The following DENND4C variants were observed in gnomAD, a reference collection of about 807,000 sequenced individuals.
The protein encoded by DENND4C is DENN domain containing 4C, also known as DENN domain-containing protein 4C.
In DENND4C, 108 loss-of-function variants were observed where a neutral mutation model predicts 203.0. The ratio of observed to expected loss-of-function variants is 0.53; its 90% CI spans 0.46 to 0.62. The LOEUF is 0.62. Among genes scored for constraint, DENND4C ranks in the 20% least tolerant of loss-of-function variants. The pLI is 0.00. For missense variants in DENND4C, 2,481 were observed against 2,301.2 expected (o/e 1.08, Z -1.60); for synonymous variants, 871 against 792.4 (o/e 1.10, Z -1.67).
In DENND4C at chr9:19,354,549, CTT is replaced by C. The variant is rs66823332; in HGVS notation, c.4781+1904_4781+1905del. ...TCTCTTCATTACTTGTTATTCTAGC[CTT>C]TTTTTTTTTTTTTTTTTTTGGAGAC... On this transcript the variant is annotated intron_variant, in intron 26 of 32. Transcript: ENST00000434457. 2.6e-3 allele frequency among the ~76,000 whole-genome samples: 231 copies of C among 87,272 alleles called. 1 individual carries two copies. The highest frequency in any genetic ancestry group is 0.02 in the Middle Eastern group (2 of 102). The allele number at this position is 87,272 out of a possible 152,430, so 57.3% of individuals were successfully genotyped here. A position where few individuals can be genotyped will look rare whatever the true frequency, so the allele number is the denominator to read the frequency against.
chr9:19,255,385 A>G (rs1339063679), intron 1 of DENND4C, among the ~76,000 whole-genome samples: 1 of 129,738 alleles, frequency 7.7e-6, no homozygotes, highest in African/African-American at 2.8e-5. Flanking sequence ...AGCCTGGGCA[A>G]CAGAGTGAGA....
intron 29 of DENND4C, among the ~76,000 whole-genome samples, chr9:19,360,757 A>G (rs1466358308): frequency 6.6e-6 from 1 of 152,122 alleles, no homozygotes; most frequent in Non-Finnish European, 1.5e-5. Flanking sequence ...TCTACTTTCT[A>G]TCCAGCAGTT....
At chr9:19,370,068 CTA>C (rs1828496796) in intron 31 of DENND4C, 81 bp downstream of exon 31, 1 of 1,519,508 alleles carries the variant, frequency 6.6e-7, no homozygotes. Context: ...AAAAATATCT[CTA>C]GTTGTCGAAG....
chr9:19,359,482 G>C (rs578191355), intron 28 of DENND4C, among the ~76,000 whole-genome samples: 2 of 151,934 alleles, frequency 1.3e-5, no homozygotes, highest in South Asian at 4.1e-4. Context: ...TAGTCCTTTT[G>C]ACACAACTCT....
intron 1 of DENND4C, among the ~76,000 whole-genome samples, chr9:19,267,402 T>C (rs1010160501): frequency 7.9e-5 from 12 of 152,236 alleles, no homozygotes; most frequent in African/African-American, 2.9e-4. Context: ...AAATCTGTTT[T>C]ATCTGATACA....
At chr9:19,362,789 C>G (rs1826779661) in intron 30 of DENND4C, among the ~76,000 whole-genome samples, 1 of 152,154 alleles carries the variant, frequency 6.6e-6, no homozygotes, top group African/African-American at 2.4e-5. Context: ...GTTCTGGCTT[C>G]ATTTTTAATC....
rs529711280 is a variant in DENND4C at position 19,288,676 on chromosome 9, TA to T, written c.628+19del. The T allele has an allele frequency of 2.0e-5, 25 of 1,228,044 alleles. No individual in the cohort carries two copies. Among genetic ancestry groups the T allele is most frequent in the East Asian group, 9.5e-5 (3 of 31,594 alleles). The allele number at this position is 1,228,044 out of a possible 1,614,324, so 76.1% of individuals were successfully genotyped here. ...TAGCATATAAGGCTGGTAAGTGAGT[TA>T]AAAAAAATTGTCTCAATTGCTATAG... On this transcript the variant is annotated intron_variant, in intron 4 of 32. Transcript: ENST00000434457.
chr9:19,289,690 G>C (rs1051773779), intron 4 of DENND4C, among the ~76,000 whole-genome samples: 1 of 151,870 alleles, frequency 6.6e-6, no homozygotes, highest in Non-Finnish European at 1.5e-5. Flanking sequence ...TTAGCCAGGC[G>C]TGGTGGCACG....
intron 29 of DENND4C, 107 bp from the exon 30 acceptor site, chr9:19,361,739 G>T: frequency 5.2e-6 from 3 of 579,498 alleles, no homozygotes; most frequent in South Asian, 2.8e-5. Flanking sequence ...TGAATTTTAG[G>T]TCCAGAATTT....
At chr9:19,308,496 A>T (rs1033717484) in intron 10 of DENND4C, among the ~76,000 whole-genome samples, 1 of 151,890 alleles carries the variant, frequency 6.6e-6, no homozygotes, top group African/African-American at 2.4e-5. Flanking sequence ...TTGTTGGTAC[A>T]TTTTCCTGTT....
chr9:19,266,614 G>T (rs1480972470), intron 1 of DENND4C, among the ~76,000 whole-genome samples: 1 of 152,090 alleles, frequency 6.6e-6, no homozygotes, highest in African/African-American at 2.4e-5. Context: ...GCATGGTACT[G>T]GTACCAAAAC....
At chr9:19,268,339 A>G (rs991985519) in intron 1 of DENND4C, among the ~76,000 whole-genome samples, 18 of 152,112 alleles carry the variant, frequency 1.2e-4, no homozygotes, top group Non-Finnish European at 2.5e-4. Context: ...AGCTCAAGCC[A>G]TCTGCCTACC....
intron 21 of DENND4C, among the ~76,000 whole-genome samples, chr9:19,341,456 C>T (rs753678105): frequency 5.3e-5 from 8 of 151,826 alleles, no homozygotes; most frequent in Non-Finnish European, 1.2e-4. Flanking sequence ...ACCACAGGCA[C>T]GTGCCACCAC....
chr9:19,348,524 G>C (rs1007257383), intron 23 of DENND4C, among the ~76,000 whole-genome samples: 1 of 152,130 alleles, frequency 6.6e-6, no homozygotes, highest in Non-Finnish European at 1.5e-5. Flanking sequence ...GAAGCTTAAA[G>C]CATCATGTAC....
intron 1 of DENND4C, among the ~76,000 whole-genome samples, chr9:19,250,956 G>T (rs558672166): frequency 6.6e-6 from 1 of 152,224 alleles, no homozygotes; most frequent in Non-Finnish European, 1.5e-5. Context: ...GATGCAAACT[G>T]TGGGAGGATC....
chr9:19,295,203 C>G (rs1253497495), intron 5 of DENND4C, among the ~76,000 whole-genome samples: 1 of 152,080 alleles, frequency 6.6e-6, no homozygotes, highest in Non-Finnish European at 1.5e-5. Context: ...AACCCCGTCT[C>G]TACTAAAAAT....
intron 1 of DENND4C, among the ~76,000 whole-genome samples, chr9:19,271,703 C>G (rs147336104): frequency 0.021 from 3,192 of 151,758 alleles, 121 homozygotes; most frequent in African/African-American, 0.072. Flanking sequence ...CCCGTCTCTA[C>G]TAAAAATACA....
intron 12 of DENND4C, among the ~76,000 whole-genome samples, chr9:19,320,836 A>G (rs1842760975): frequency 1.3e-5 from 2 of 152,206 alleles, no homozygotes; most frequent in South Asian, 4.1e-4. Flanking sequence ...TTTGCTGATC[A>G]TTGCCTGGAT....
At chr9:19,362,369 G>A (rs897274322) in intron 30 of DENND4C, among the ~76,000 whole-genome samples, 7 of 152,126 alleles carry the variant, frequency 4.6e-5, no homozygotes, top group African/African-American at 1.7e-4. Context: ...TAAGCAAATT[G>A]TGGCACATTC....
Sources: allele counts gnomAD v4.1 joint callset (sites outside exome capture counted in the v4.1 genomes callset), GRCh38; gene constraint gnomAD v4.1.1; transcripts MANE v1.5; gene names NCBI Gene and HGNC (gene_info 2026-07-23, HGNC 2026-07-21).